VPS13A: variants seen among roughly 807,000 people sequenced by gnomAD.
VPS13A encodes the protein vacuolar protein sorting 13 homolog A.
VPS13A carries 264 observed loss-of-function variants against 390.9 expected under a neutral mutation model. That is an observed-to-expected ratio of 0.68 (90% confidence interval 0.61 to 0.75). The LOEUF is 0.75. VPS13A is among the 30% of genes least tolerant of loss of function. VPS13A has a pLI of 0.00. For synonymous variants in VPS13A, 1,231 were observed against 1,227.1 expected (o/e 1.00, Z -0.07); for missense variants, 3,409 against 3,733.9 (o/e 0.91, Z 2.27).
intron 31 of VPS13A, 37 bp downstream of exon 31, chr9:77,283,687 A>T: frequency 6.8e-7 from 1 of 1,460,688 alleles, no homozygotes; most frequent in Non-Finnish European, 9.4e-7. Context: ...GTACATCATT[A>T]AATAGGATTG....
intron 59 of VPS13A, among the ~76,000 whole-genome samples, chr9:77,362,189 G>T (rs533541340): frequency 1.4e-4 from 21 of 151,996 alleles, no homozygotes; most frequent in South Asian, 2.1e-4. Context: ...TTTTTATTTT[G>T]TTGCTCATGC....
chr9:77,206,159 T>C, intron 5 of VPS13A, 80 bp downstream of exon 5: 1 of 993,098 alleles, frequency 1.0e-6, no homozygotes, highest in Admixed American at 2.2e-5. Context: ...ATATTATTTT[T>C]CTCTGGAGAT....
intron 19 of VPS13A, among the ~76,000 whole-genome samples, chr9:77,245,459 A>G (rs1401911072): frequency 6.6e-6 from 1 of 152,196 alleles, no homozygotes; most frequent in African/African-American, 2.4e-5. Flanking sequence ...CATTTGGGGA[A>G]AAAGAATGAA....
At chr9:77,207,866 G>T (rs1277336700) in intron 5 of VPS13A, among the ~76,000 whole-genome samples, 1 of 151,960 alleles carries the variant, frequency 6.6e-6, no homozygotes, top group Non-Finnish European at 1.5e-5. Flanking sequence ...TTGGATTTTT[G>T]TTGTTGTTGT....
At chr9:77,278,723 G>A (rs1826840725) in intron 26 of VPS13A, among the ~76,000 whole-genome samples, 1 of 152,178 alleles carries the variant, frequency 6.6e-6, no homozygotes, top group African/African-American at 2.4e-5. Context: ...TTAGTTTGTA[G>A]TCCTTTCTTC....
intron 67 of VPS13A, among the ~76,000 whole-genome samples, chr9:77,372,287 A>T (rs910896407): frequency 6.6e-6 from 1 of 151,724 alleles, no homozygotes; most frequent in African/African-American, 2.4e-5. Flanking sequence ...AAGTTTTCCT[A>T]TTTCTCCACA....
chr9:77,339,489 GTTTTGT>G, intron 47 of VPS13A, 21 bp from the exon 48 acceptor site: 1 of 1,121,848 alleles, frequency 8.9e-7, no homozygotes, highest in Non-Finnish European at 1.2e-6. Flanking sequence ...TTTAAATTTT[GTTTTGT>G]TTTTTTTTTT....
chr9:77,403,836 G>A (rs183273222), intron 69 of VPS13A, among the ~76,000 whole-genome samples: 1 of 152,296 alleles, frequency 6.6e-6, no homozygotes, highest in Non-Finnish European at 1.5e-5. Context: ...AGAAGTCATT[G>A]TTAAACTAGG....
intron 33 of VPS13A, among the ~76,000 whole-genome samples, chr9:77,302,414 C>T (rs530977301): frequency 7.9e-6 from 1 of 126,466 alleles, no homozygotes; most frequent in African/African-American, 3.1e-5. Flanking sequence ...GCTCTGTTGA[C>T]CAGGCTGGAG....
chr9:77,220,449 C>G, intron 12 of VPS13A, 66 bp downstream of exon 12: 1 of 1,106,680 alleles, frequency 9.0e-7, no homozygotes, highest in Non-Finnish European at 1.3e-6. Flanking sequence ...AATTTCTCGA[C>G]TTCAAGAATA....
At chr9:77,272,010 T>C (rs1259583297) in intron 23 of VPS13A, among the ~76,000 whole-genome samples, 3 of 152,134 alleles carry the variant, frequency 2.0e-5, no homozygotes, top group East Asian at 1.9e-4. Flanking sequence ...TATTGAACTT[T>C]AGAGTTTATG....
intron 10 of VPS13A, among the ~76,000 whole-genome samples, chr9:77,215,934 C>G (rs1822838047): frequency 6.6e-6 from 1 of 152,204 alleles, no homozygotes; most frequent in African/African-American, 2.4e-5. Flanking sequence ...TTGCTGGCAT[C>G]TGGCTGCATC....
At chr9:77,326,836 A>G (rs1190187015) in intron 45 of VPS13A, among the ~76,000 whole-genome samples, 2 of 152,062 alleles carry the variant, frequency 1.3e-5, no homozygotes, top group African/African-American at 4.8e-5. Flanking sequence ...TTTTAGACGG[A>G]TCTTTACTGA....
intron 1 of VPS13A, among the ~76,000 whole-genome samples, chr9:77,194,888 G>A (rs964390303): frequency 1.3e-5 from 2 of 151,942 alleles, no homozygotes; most frequent in Non-Finnish European, 2.9e-5. Flanking sequence ...TCCTGACTCT[G>A]TGTCTACTTG....
rs773690202 is a variant in VPS13A at position 77,238,395 on chromosome 9, C to G, written c.1900+9C>G. 6.9e-6 allele frequency: 11 copies of G among 1,587,668 alleles called. No homozygotes were observed. In the African/African-American group the frequency reaches 9.4e-5, roughly 14 times the overall value. Reference sequence around the variant, plus strand: ...CAGTAAGACAGCAACAGGTAAATGCCAATATTAATGTTGGTGAATTAAATA... The same window carrying G: ...CAGTAAGACAGCAACAGGTAAATGCGAATATTAATGTTGGTGAATTAAATA... On this transcript the variant is annotated intron_variant, in intron 19 of 71. Transcript: ENST00000360280.
intron 3 of VPS13A, among the ~76,000 whole-genome samples, chr9:77,202,009 G>A (rs535560042): frequency 2.0e-5 from 3 of 152,222 alleles, no homozygotes; most frequent in African/African-American, 4.8e-5. Context: ...TAAATATTGT[G>A]CAAGATAATA....
intron 25 of VPS13A, 43 bp from the exon 26 acceptor site, chr9:77,276,022 T>C (rs750324377): frequency 6.3e-7 from 1 of 1,592,598 alleles, no homozygotes; most frequent in South Asian, 1.1e-5. Flanking sequence ...TAAACATGTT[T>C]TTGTTTTATG....
At chr9:77,326,597 C>T (rs528333827) in intron 45 of VPS13A, among the ~76,000 whole-genome samples, 1 of 151,876 alleles carries the variant, frequency 6.6e-6, no homozygotes, top group East Asian at 1.9e-4. Flanking sequence ...TCCATTGTCT[C>T]TTTTTAACAT....
At chr9:77,341,172 G>C (rs971344312) in intron 50 of VPS13A, among the ~76,000 whole-genome samples, 3 of 151,962 alleles carry the variant, frequency 2.0e-5, no homozygotes, top group Admixed American at 6.6e-5. Context: ...TTTAGAGCTG[G>C]TTTTGAAGGT....
Sources: gnomAD v4.1 joint callset for allele counts (sites outside exome capture counted in the v4.1 genomes callset) on GRCh38, gnomAD v4.1.1 for gene constraint, MANE v1.5 for transcripts, NCBI Gene and HGNC (gene_info 2026-07-23, HGNC 2026-07-21) for gene names.